PTPRD: variants seen among roughly 807,000 people sequenced by gnomAD.
PTPRD encodes the protein receptor-type tyrosine-protein phosphatase delta.
Under a neutral mutation model 214.5 loss-of-function variants are expected in PTPRD, and 34 were observed. That is an observed-to-expected ratio of 0.16 (90% CI 0.12 to 0.21). PTPRD has a LOEUF of 0.21. PTPRD is among the 10% of genes least tolerant of loss of function. The probability of loss-of-function intolerance (pLI) is 1.00; values close to 1 mark genes in which losing one functional copy is unlikely to be tolerated. For missense variants in PTPRD, 2,545 were observed against 2,398.7 expected (o/e 1.06, Z -1.27); for synonymous variants, 1,128 against 845.7 (o/e 1.33, Z -5.79).
intron 2 of PTPRD, among the ~76,000 whole-genome samples, chr9:10,381,160 A>G (rs2097816091): frequency 1.3e-5 from 2 of 151,728 alleles, no homozygotes; most frequent in Admixed American, 1.3e-4. Context: ...GCTCCCAACT[A>G]TACATCATGG....
chr9:9,406,653 A>C (rs1019237710), intron 8 of PTPRD, among the ~76,000 whole-genome samples: 1 of 151,868 alleles, frequency 6.6e-6, no homozygotes, highest in Admixed American at 6.6e-5. Context: ...AAGAGGATTA[A>C]AGCAAGTTTT....
At chr9:9,309,930 T>A (rs1363734719) in intron 9 of PTPRD, among the ~76,000 whole-genome samples, 2 of 152,192 alleles carry the variant, frequency 1.3e-5, no homozygotes, top group Non-Finnish European at 2.9e-5. Context: ...ATGGATTTCC[T>A]CCTTATAATG....
At chr9:8,368,946 C>G (rs925819713) in intron 39 of PTPRD, among the ~76,000 whole-genome samples, 3 of 152,060 alleles carry the variant, frequency 2.0e-5, no homozygotes, top group Non-Finnish European at 4.4e-5. Context: ...TACACTCCAC[C>G]CATTCTTATC....
At chr9:10,025,599 T>C (rs1250952519) in intron 4 of PTPRD, among the ~76,000 whole-genome samples, 1 of 152,182 alleles carries the variant, frequency 6.6e-6, no homozygotes, top group Non-Finnish European at 1.5e-5. Flanking sequence ...AGAATGGGTG[T>C]TTGGCTGAGC....
intron 8 of PTPRD, among the ~76,000 whole-genome samples, chr9:9,402,518 T>G (rs2071069093): frequency 1.3e-5 from 2 of 152,072 alleles, no homozygotes; most frequent in Admixed American, 1.3e-4. Context: ...CAGAGGACAC[T>G]TAGGATTTAT....
chr9:8,402,099 G>A (rs1005321443), intron 36 of PTPRD, among the ~76,000 whole-genome samples: 2 of 152,078 alleles, frequency 1.3e-5, no homozygotes, highest in Admixed American at 6.6e-5. Context: ...GCTGGTTAGC[G>A]CTTAGTTTAA....
In PTPRD at chr9:9,917,452, T is replaced by TAAAA. The variant is rs112904497; in HGVS notation, c.-368+21051_-368+21054dup. On this transcript the variant is annotated intron_variant, in intron 5 of 45. Transcript: ENST00000381196. The stretch of plus-strand genomic sequence containing the variant: ...ACATTTTAAAATCCAGAAAATTTCC[T>TAAAA]AAAAAAAAAAAAAAAAAAAATCCAG... Among the ~76,000 whole-genome samples the TAAAA allele has an allele frequency of 1.8e-3, 224 of 127,610 alleles. 2 individuals are homozygous for TAAAA. The highest frequency in any genetic ancestry group is 5.3e-3 in the African/African-American group (188 of 35,350). The allele number at this position is 127,610 out of a possible 152,430, so 83.7% of individuals were successfully genotyped here.
chr9:8,605,935 GTTTT>G (rs967162455), intron 14 of PTPRD, among the ~76,000 whole-genome samples: 1 of 152,014 alleles, frequency 6.6e-6, no homozygotes, highest in Non-Finnish European at 1.5e-5. Context: ...AGTCCTTTGG[GTTTT>G]TTTGTTTTTG....
At chr9:10,501,910 C>A (rs1006096116) in intron 2 of PTPRD, among the ~76,000 whole-genome samples, 1 of 151,890 alleles carries the variant, frequency 6.6e-6, no homozygotes, top group Admixed American at 6.6e-5. Context: ...GTCTACGATC[C>A]TATCCCCTGA....
intron 14 of PTPRD, among the ~76,000 whole-genome samples, chr9:8,631,635 T>C (rs760060525): frequency 6.6e-6 from 1 of 151,874 alleles, no homozygotes; most frequent in Non-Finnish European, 1.5e-5. Flanking sequence ...GAAATCTCAC[T>C]TGTATGCAGA....
At chr9:9,618,051 G>C (rs10977880) in intron 7 of PTPRD, among the ~76,000 whole-genome samples, 4 of 95,728 alleles carry the variant, frequency 4.2e-5, no homozygotes, top group Non-Finnish European at 8.4e-5. Context: ...CAGCCTGGGC[G>C]ACAGAGCGAG....
chr9:9,840,634 G>T (rs535792156), intron 5 of PTPRD, among the ~76,000 whole-genome samples: 1 of 151,594 alleles, frequency 6.6e-6, no homozygotes, highest in Admixed American at 6.6e-5. Context: ...GTGGTGGCGC[G>T]TGCCTGTAGT....
chr9:9,297,909 A>G lies in PTPRD; in HGVS notation c.-203+99540T>C, dbSNP rs1453679947. Reference sequence around the variant, plus strand: ...ATATAGTAGATCATATAATCCTTACACAGCCCTATAAGATAAGTATTCTTC... The same window carrying G: ...ATATAGTAGATCATATAATCCTTACGCAGCCCTATAAGATAAGTATTCTTC... On this transcript the variant is annotated intron_variant, in intron 9 of 45. Coordinates refer to ENST00000381196, the MANE Select transcript of PTPRD (RefSeq NM_002839.4). Among the ~76,000 whole-genome samples the G allele has an allele frequency of 2.0e-5, 3 of 151,786 alleles. No homozygotes were observed. The South Asian group carries it at 6.2e-4, about 31-fold the overall frequency.
At chr9:9,322,484 T>C (rs567490287) in intron 9 of PTPRD, among the ~76,000 whole-genome samples, 28 of 152,304 alleles carry the variant, frequency 1.8e-4, no homozygotes, top group African/African-American at 6.7e-4. Context: ...GTGTACACCT[T>C]AAATATGTCA....
chr9:8,647,233 C>A (rs529368520), intron 12 of PTPRD, among the ~76,000 whole-genome samples: 1 of 152,178 alleles, frequency 6.6e-6, no homozygotes, highest in African/African-American at 2.4e-5. Flanking sequence ...TTCCCCTCTA[C>A]CACCTTTTGT....
At chr9:9,436,389 G>A (rs1041287138) in intron 8 of PTPRD, among the ~76,000 whole-genome samples, 1 of 152,016 alleles carries the variant, frequency 6.6e-6, no homozygotes, top group African/African-American at 2.4e-5. Context: ...CAGGGGAAAA[G>A]ACTAAGACAC....
chr9:10,368,540 T>A (rs2097555301), intron 2 of PTPRD, among the ~76,000 whole-genome samples: 1 of 152,108 alleles, frequency 6.6e-6, no homozygotes, highest in Non-Finnish European at 1.5e-5. Context: ...GAAAGCAATG[T>A]CATTAAAGTA....
chr9:10,471,399 T>C (rs139457059), intron 2 of PTPRD, among the ~76,000 whole-genome samples: 6 of 152,296 alleles, frequency 3.9e-5, no homozygotes, highest in Middle Eastern at 3.4e-3. Context: ...TTTTAAATTG[T>C]TTGAAAGGTT....
At chr9:9,505,014 C>G (rs1258363832) in intron 8 of PTPRD, among the ~76,000 whole-genome samples, 1 of 151,596 alleles carries the variant, frequency 6.6e-6, no homozygotes, top group East Asian at 1.9e-4. Context: ...CTTAGACTAG[C>G]TGGAACTAGT....
Sources: allele counts gnomAD v4.1 joint callset (sites outside exome capture counted in the v4.1 genomes callset), GRCh38; gene constraint gnomAD v4.1.1; transcripts MANE v1.5; gene names NCBI Gene and HGNC (gene_info 2026-07-23, HGNC 2026-07-21).